Variants in RUNDC3B observed in about 807,000 individuals in gnomAD.
The protein encoded by RUNDC3B is RUN domain-containing protein 3B.
Under a neutral mutation model 58.4 loss-of-function variants are expected in RUNDC3B, and 33 were observed. The ratio of observed to expected loss-of-function variants is 0.56; its 90% CI spans 0.43 to 0.75. RUNDC3B has a LOEUF of 0.75. Ranked by LOEUF, RUNDC3B falls within the 30% of genes least tolerant of loss-of-function variation. The pLI, the probability that RUNDC3B is intolerant of heterozygous loss-of-function variation, is 0.00. For synonymous variants in RUNDC3B, 193 were observed against 195.2 expected, an observed-to-expected ratio of 0.99 and a Z score of 0.10; for missense variants, 501 against 535.7, an observed-to-expected ratio of 0.94 and a Z score of 0.64.
At chr7:87,798,468 A>G (rs1043309471) in intron 8 of RUNDC3B, among the ~76,000 whole-genome samples, 5 of 152,032 alleles carry the variant, frequency 3.3e-5, no homozygotes, top group African/African-American at 1.2e-4. Flanking sequence ...TTTATTTTTG[A>G]TGCTCAAATT....
intron 2 of RUNDC3B, among the ~76,000 whole-genome samples, chr7:87,695,439 T>G (rs1828417726): frequency 6.6e-6 from 1 of 152,068 alleles, no homozygotes; most frequent in Non-Finnish European, 1.5e-5. Flanking sequence ...ACTCCACAAG[T>G]TTTTTAAAGG....
chr7:87,680,034 A>C (rs1443687582), intron 2 of RUNDC3B, among the ~76,000 whole-genome samples: 1 of 149,884 alleles, frequency 6.7e-6, no homozygotes, highest in Non-Finnish European at 1.5e-5. Context: ...CTAGCCACCC[A>C]CCCCTAGACA....
intron 1 of RUNDC3B, among the ~76,000 whole-genome samples, chr7:87,642,344 C>T (rs1050541973): frequency 1.3e-5 from 2 of 151,840 alleles, no homozygotes; most frequent in Non-Finnish European, 2.9e-5. Flanking sequence ...CTGTTCTTCA[C>T]GTTGTTCTAT....
rs184155841 is a variant in RUNDC3B, at chr7:87,825,446, C to A, written c.1226-4439C>A. Among the ~76,000 whole-genome samples, 324 of 152,208 alleles carry A rather than the reference C, an allele frequency of 2.1e-3. 1 individual carries two copies. The highest frequency in any genetic ancestry group is 5.3e-3 in the Admixed American group (81 of 15,292). ...AGATTTCAGAAGATGTAGGGAAATA[C>A]CTGGATGCCCAGGCAGAAGTTTGCT... On this transcript the variant is annotated intron_variant, in intron 10 of 10. Transcript: ENST00000394654.
intron 6 of RUNDC3B, among the ~76,000 whole-genome samples, chr7:87,754,017 A>AG (rs1201099183): frequency 1.3e-5 from 2 of 152,174 alleles, no homozygotes; most frequent in Non-Finnish European, 2.9e-5. Flanking sequence ...GGTCAGTGGG[A>AG]GGGGAGCTGA....
At chr7:87,752,071 GT>G (rs1833036779) in intron 6 of RUNDC3B, among the ~76,000 whole-genome samples, 1 of 152,140 alleles carries the variant, frequency 6.6e-6, no homozygotes, top group Non-Finnish European at 1.5e-5. Context: ...TTTATTGAGA[GT>G]TTTTAGCATG....
At chr7:87,757,436 A>G (rs1437757505) in intron 6 of RUNDC3B, among the ~76,000 whole-genome samples, 2 of 152,300 alleles carry the variant, frequency 1.3e-5, no homozygotes, top group African/African-American at 2.4e-5. Flanking sequence ...TCCATTTACA[A>G]TAGCCACAAA....
At chr7:87,813,092 G>A (rs897981368) in intron 9 of RUNDC3B, among the ~76,000 whole-genome samples, 2 of 152,158 alleles carry the variant, frequency 1.3e-5, no homozygotes, top group South Asian at 2.1e-4. Flanking sequence ...TTTTATTAAT[G>A]AGGTACTTAA....
chr7:87,669,286 C>A (rs1585050784), intron 2 of RUNDC3B, among the ~76,000 whole-genome samples: 5 of 152,050 alleles, frequency 3.3e-5, no homozygotes, highest in Admixed American at 6.6e-5. Context: ...TGTCTGAATT[C>A]AGATTGCAAT....
At chr7:87,751,575 C>A (rs952994032) in intron 6 of RUNDC3B, among the ~76,000 whole-genome samples, 1 of 152,120 alleles carries the variant, frequency 6.6e-6, no homozygotes, top group African/African-American at 2.4e-5. Context: ...GTTTGTAGTT[C>A]TCCTTGAAGA....
At chr7:87,710,449 A>G (rs1048448927) in intron 3 of RUNDC3B, 121 bp from the exon 4 acceptor site, 4 of 619,162 alleles carry the variant, frequency 6.5e-6, no homozygotes, top group South Asian at 4.1e-5. Context: ...CATTTTTCTT[A>G]GTCGTTATCA....
chr7:87,716,298 A>G (rs1412469539), intron 4 of RUNDC3B, among the ~76,000 whole-genome samples: 1 of 152,204 alleles, frequency 6.6e-6, no homozygotes, highest in African/African-American at 2.4e-5. Context: ...GAGAATATAG[A>G]AAGTTACCAA....
At chr7:87,629,142 T>G in intron 1 of RUNDC3B, 197 bp downstream of exon 1, 1 of 439,362 alleles carries the variant, frequency 2.3e-6, no homozygotes, top group East Asian at 3.6e-5. Context: ...CCCTGGACTT[T>G]GTGTCAGTTC....
At chr7:87,756,310 A>G (rs953351159) in intron 6 of RUNDC3B, among the ~76,000 whole-genome samples, 5 of 152,024 alleles carry the variant, frequency 3.3e-5, no homozygotes, top group Non-Finnish European at 7.4e-5. Context: ...ATTCATAGAA[A>G]GTCCTGTTAA....
chr7:87,820,568 G>A (rs553013347), intron 10 of RUNDC3B, among the ~76,000 whole-genome samples: 18 of 152,022 alleles, frequency 1.2e-4, no homozygotes, highest in East Asian at 7.7e-4. Flanking sequence ...TACCAAAGCC[G>A]GGCAGAGACA....
intron 4 of RUNDC3B, among the ~76,000 whole-genome samples, chr7:87,738,011 A>G (rs536570484): frequency 1.3e-5 from 2 of 152,110 alleles, no homozygotes; most frequent in African/African-American, 2.4e-5. Flanking sequence ...GAAAGCAAGC[A>G]AGAATAGTTT....
At chr7:87,743,806 C>G (rs1832488380) in intron 6 of RUNDC3B, among the ~76,000 whole-genome samples, 1 of 152,096 alleles carries the variant, frequency 6.6e-6, no homozygotes, top group Non-Finnish European at 1.5e-5. Context: ...TGCAAAAGCT[C>G]TTTAGTTTAA....
chr7:87,774,206 C>G (rs1019460861), intron 7 of RUNDC3B, among the ~76,000 whole-genome samples: 1 of 151,926 alleles, frequency 6.6e-6, no homozygotes, highest in Non-Finnish European at 1.5e-5. Flanking sequence ...AAATAGAATA[C>G]TTTAAAATGA....
chr7:87,745,480 C>A (rs1832594607), intron 6 of RUNDC3B, among the ~76,000 whole-genome samples: 1 of 152,016 alleles, frequency 6.6e-6, no homozygotes, highest in African/African-American at 2.4e-5. Context: ...ATTATCATTT[C>A]AATATTCCTG....
Sources: gnomAD v4.1 joint callset for allele counts (sites outside exome capture counted in the v4.1 genomes callset) on GRCh38, gnomAD v4.1.1 for gene constraint, MANE v1.5 for transcripts, NCBI Gene and HGNC (gene_info 2026-07-23, HGNC 2026-07-21) for gene names.